Variants in RHOA observed in about 807,000 individuals in gnomAD.
The protein encoded by RHOA is transforming protein RhoA.
A neutral mutation model predicts 17.5 loss-of-function variants in RHOA; 3 were observed. That is an observed-to-expected ratio of 0.17 (90% CI 0.08 to 0.44). The LOEUF is 0.44. Ranked by LOEUF, RHOA falls within the 20% of genes least tolerant of loss-of-function variation. RHOA has a pLI of 0.99. For synonymous variants in RHOA, 98 were observed against 88.4 expected (o/e 1.11, Z -0.61); for missense variants, 56 against 242.3 (o/e 0.23, Z 5.10).
At chr3:49,377,105 G>A (rs565581527) in intron 1 of RHOA, among the ~76,000 whole-genome samples, 1 of 152,278 alleles carries the variant, frequency 6.6e-6, no homozygotes, top group South Asian at 2.1e-4. Context: ...TCCAGCCTGG[G>A]CAACAAGAGC....
intron 1 of RHOA, among the ~76,000 whole-genome samples, chr3:49,397,944 C>T (rs1011299564): frequency 1.3e-5 from 2 of 152,128 alleles, no homozygotes; most frequent in African/African-American, 4.8e-5. Context: ...GGAATCTTAG[C>T]GGGACTGCTA....
At chr3:49,405,864 T>C (rs1248579454) in intron 1 of RHOA, among the ~76,000 whole-genome samples, 1 of 152,278 alleles carries the variant, frequency 6.6e-6, no homozygotes, top group South Asian at 2.1e-4. Flanking sequence ...TTTGTATTTT[T>C]AGTAGAGATG....
intron 3 of RHOA, among the ~76,000 whole-genome samples, chr3:49,364,525 G>T (rs2048023705): frequency 6.6e-6 from 1 of 151,862 alleles, no homozygotes; most frequent in Non-Finnish European, 1.5e-5. Flanking sequence ...ACTGGGCATG[G>T]TGGTGCACAC....
At chr3:49,392,948 G>A (rs2048533907) in intron 1 of RHOA, among the ~76,000 whole-genome samples, 1 of 152,092 alleles carries the variant, frequency 6.6e-6, no homozygotes, top group South Asian at 2.1e-4. Context: ...AGGTCAAGGG[G>A]GGTAGATCAG....
chr3:49,367,487 A>G (rs1320852747), intron 3 of RHOA, among the ~76,000 whole-genome samples: 2 of 151,988 alleles, frequency 1.3e-5, no homozygotes, highest in Non-Finnish European at 2.9e-5. Flanking sequence ...AACCAAAAAA[A>G]AGAAAGTCTT....
intron 1 of RHOA, among the ~76,000 whole-genome samples, chr3:49,399,365 G>A (rs1341448889): frequency 7.4e-6 from 1 of 134,794 alleles, no homozygotes; most frequent in Non-Finnish European, 1.6e-5. Context: ...GCGAGACTCT[G>A]TCTCAAAAAA....
chr3:49,371,845 T>C (rs1350528709), intron 2 of RHOA, among the ~76,000 whole-genome samples: 1 of 152,216 alleles, frequency 6.6e-6, no homozygotes. Context: ...ATGGGCAAGA[T>C]TCTGGTTGTT....
chr3:49,364,455 AG>A (rs1241231852), intron 3 of RHOA, among the ~76,000 whole-genome samples: 1 of 152,150 alleles, frequency 6.6e-6, no homozygotes, highest in Non-Finnish European at 1.5e-5. Context: ...ATTGCACTCC[AG>A]CCTGGGCAAC....
intron 2 of RHOA, among the ~76,000 whole-genome samples, chr3:49,373,519 A>T (rs1203622851): frequency 6.6e-6 from 1 of 152,228 alleles, no homozygotes; most frequent in Non-Finnish European, 1.5e-5. Context: ...GACCCACTTC[A>T]AAAGATGTAT....
At chr3:49,400,302 A>ACC (rs527465820) in intron 1 of RHOA, among the ~76,000 whole-genome samples, 2 of 146,060 alleles carry the variant, frequency 1.4e-5, no homozygotes, top group African/African-American at 5.1e-5. Context: ...AAAACTGGCC[A>ACC]CCCCCCACCA....
intron 3 of RHOA, among the ~76,000 whole-genome samples, chr3:49,365,397 C>T (rs1436876739): frequency 6.6e-6 from 1 of 151,818 alleles, no homozygotes; most frequent in East Asian, 2.0e-4. Context: ...CCCACCTTGG[C>T]CTCCCAAAGT....
chr3:49,409,657 T>C (rs956748229), intron 1 of RHOA, among the ~76,000 whole-genome samples: 2 of 152,148 alleles, frequency 1.3e-5, no homozygotes, highest in Admixed American at 1.3e-4. Context: ...CTCCACCCCA[T>C]GGACAAGAAA....
intron 1 of RHOA, among the ~76,000 whole-genome samples, chr3:49,393,729 T>TGTGTGA (rs1553635013): frequency 7.3e-5 from 10 of 136,834 alleles, no homozygotes; most frequent in Non-Finnish European, 1.4e-4. Flanking sequence ...TGTGTGTGTG[T>TGTGTGA]GACAGAATCT....
chr3:49,380,699 A>G (rs2048301961), intron 1 of RHOA, among the ~76,000 whole-genome samples: 1 of 147,376 alleles, frequency 6.8e-6, no homozygotes, highest in African/African-American at 2.5e-5. Context: ...TAATAATAAT[A>G]ATAATAATAA....
intron 1 of RHOA, among the ~76,000 whole-genome samples, chr3:49,387,384 C>G (rs186964242): frequency 7.1e-6 from 1 of 141,438 alleles, no homozygotes; most frequent in Non-Finnish European, 1.5e-5. Flanking sequence ...GCAGAGGTTG[C>G]AATGAGCCGA....
intron 1 of RHOA, among the ~76,000 whole-genome samples, chr3:49,402,645 G>A (rs2048744932): frequency 6.6e-6 from 1 of 151,906 alleles, no homozygotes; most frequent in South Asian, 2.1e-4. Context: ...CTGCACTCCA[G>A]CCTGGGAAAC....
intron 1 of RHOA, among the ~76,000 whole-genome samples, chr3:49,391,472 C>G (rs755593614): frequency 6.6e-6 from 1 of 152,056 alleles, no homozygotes; most frequent in African/African-American, 2.4e-5. Context: ...GACAAAAAGT[C>G]TGGATTGCAT....
chr3:49,405,239 C>CA (rs1269079958), intron 1 of RHOA, among the ~76,000 whole-genome samples: 1 of 132,102 alleles, frequency 7.6e-6, no homozygotes, highest in Non-Finnish European at 1.5e-5. Context: ...GCCTGGGTGA[C>CA]AGAGCGAGAC....
chr3:49,372,192 C>A (rs2048156852), intron 2 of RHOA, among the ~76,000 whole-genome samples: 1 of 152,164 alleles, frequency 6.6e-6, no homozygotes, highest in African/African-American at 2.4e-5. Flanking sequence ...TTTGTCACAA[C>A]TGGGCCCTGT....
Sources: gnomAD v4.1 joint callset for allele counts (sites outside exome capture counted in the v4.1 genomes callset) on GRCh38, gnomAD v4.1.1 for gene constraint, MANE v1.5 for transcripts, NCBI Gene and HGNC (gene_info 2026-07-23, HGNC 2026-07-21) for gene names.